The following NLGN1 variants were observed in gnomAD, a reference collection of about 807,000 sequenced individuals.
The protein encoded by NLGN1 is neuroligin-1.
NLGN1 carries 12 observed loss-of-function variants against 65.5 expected under a neutral mutation model. That is an observed-to-expected ratio of 0.18 (90% confidence interval 0.12 to 0.30). NLGN1 has a LOEUF of 0.30. NLGN1 is among the 10% of genes least tolerant of loss of function. The probability of loss-of-function intolerance (pLI) is 1.00; values close to 1 mark genes in which losing one functional copy is unlikely to be tolerated. For synonymous variants in NLGN1, 350 were observed against 359.5 expected (o/e 0.97, Z 0.30); for missense variants, 750 against 1,007.1 (o/e 0.74, Z 3.46).
intron 4 of NLGN1, among the ~76,000 whole-genome samples, chr3:174,228,162 GATTCATGA>G (rs951300536): frequency 5.9e-5 from 9 of 151,838 alleles, no homozygotes; most frequent in African/African-American, 2.2e-4. Context: ...TAAGATAATT[GATTCATGA>G]AATTAAGATT....
chr3:174,243,886 A>T (rs930066618), intron 4 of NLGN1, among the ~76,000 whole-genome samples: 3 of 152,202 alleles, frequency 2.0e-5, no homozygotes, highest in Non-Finnish European at 2.9e-5. Flanking sequence ...GAAGTCAAAG[A>T]GCTCACCCCA....
chr3:174,151,988 A>G (rs1339213330), intron 4 of NLGN1, among the ~76,000 whole-genome samples: 1 of 152,186 alleles, frequency 6.6e-6, no homozygotes, highest in Non-Finnish European at 1.5e-5. Context: ...AATAACTGTT[A>G]GAGAAAGAAT....
intron 2 of NLGN1, among the ~76,000 whole-genome samples, chr3:173,466,354 AAAAAAT>A (rs1246814611): frequency 6.6e-6 from 1 of 152,152 alleles, no homozygotes; most frequent in Admixed American, 6.6e-5. Context: ...GCTTACTGGG[AAAAAAT>A]AAAAATAAAA....
At chr3:173,987,344 A>C (rs2152405065) in intron 4 of NLGN1, among the ~76,000 whole-genome samples, 1 of 152,346 alleles carries the variant, frequency 6.6e-6, no homozygotes, top group African/African-American at 2.4e-5. Flanking sequence ...TATTGACTCA[A>C]GAAATCAAGA....
chr3:174,227,703 C>T (rs552314162), intron 4 of NLGN1, among the ~76,000 whole-genome samples: 1 of 152,062 alleles, frequency 6.6e-6, no homozygotes, highest in African/African-American at 2.4e-5. Context: ...TCATAAATGT[C>T]TGGTGGCAAA....
intron 4 of NLGN1, among the ~76,000 whole-genome samples, chr3:173,992,898 T>TA (rs1721421369): frequency 6.6e-6 from 1 of 152,210 alleles, no homozygotes. Flanking sequence ...ACAACAATCT[T>TA]AGTCTACTTT....
chr3:174,272,657 GGATGGATGGATAGATAGATA>G (rs1238667305), intron 4 of NLGN1, among the ~76,000 whole-genome samples: 2,388 of 120,006 alleles, frequency 0.02, 36 homozygotes, highest in Non-Finnish European at 0.032. Context: ...ATGGATGGAT[GGATGGATGGATAGATAGATA>G]GATAGATAGA....
At chr3:173,432,607 C>G (rs1253654672) in intron 1 of NLGN1, among the ~76,000 whole-genome samples, 1 of 151,896 alleles carries the variant, frequency 6.6e-6, no homozygotes, top group African/African-American at 2.4e-5. Flanking sequence ...TTAAGAGTTC[C>G]TTGTATATTT....
At chr3:173,453,404 C>T (rs1476371885) in intron 2 of NLGN1, among the ~76,000 whole-genome samples, 1 of 151,072 alleles carries the variant, frequency 6.6e-6, no homozygotes, top group African/African-American at 2.4e-5. Flanking sequence ...TTAAATAAAG[C>T]AACAATGAAG....
intron 3 of NLGN1, among the ~76,000 whole-genome samples, chr3:173,687,165 A>G (rs1359331662): frequency 6.6e-6 from 1 of 152,130 alleles, no homozygotes; most frequent in African/African-American, 2.4e-5. Context: ...TCTGGACTTA[A>G]CCCTATGTTT....
At chr3:173,707,310 G>C (rs930864305) in intron 3 of NLGN1, among the ~76,000 whole-genome samples, 1 of 152,136 alleles carries the variant, frequency 6.6e-6, no homozygotes, top group Non-Finnish European at 1.5e-5. Flanking sequence ...TGCAGTCAGA[G>C]AATTTGCCAC....
At chr3:173,913,993 TA>T (rs1412466741) in intron 4 of NLGN1, among the ~76,000 whole-genome samples, 3 of 152,210 alleles carry the variant, frequency 2.0e-5, no homozygotes, top group African/African-American at 7.2e-5. Flanking sequence ...AAATGACATC[TA>T]AACTCCAGTC....
chr3:173,667,239 G>GCACACACACACACACACACACACACA (rs3032837), intron 3 of NLGN1, among the ~76,000 whole-genome samples: 1 of 147,328 alleles, frequency 6.8e-6, no homozygotes, highest in African/African-American at 2.5e-5. Flanking sequence ...ACACGCATAT[G>GCACACACACACACACACACACACACA]CACACACACA....
intron 3 of NLGN1, among the ~76,000 whole-genome samples, chr3:173,637,920 C>T (rs1294405641): frequency 6.6e-6 from 1 of 152,126 alleles, no homozygotes; most frequent in African/African-American, 2.4e-5. Flanking sequence ...CCAGAGACGG[C>T]GTTTCATTCC....
intron 3 of NLGN1, among the ~76,000 whole-genome samples, chr3:173,734,040 G>A (rs928054105): frequency 6.6e-6 from 1 of 151,994 alleles, no homozygotes; most frequent in Non-Finnish European, 1.5e-5. Context: ...AGCACATCAA[G>A]TAGACTTTGC....
chr3:173,861,979 G>A (rs1729196773), intron 4 of NLGN1, among the ~76,000 whole-genome samples: 1 of 151,668 alleles, frequency 6.6e-6, no homozygotes, highest in Admixed American at 6.6e-5. Flanking sequence ...ATGTTGGCCA[G>A]GCTGGTCTTG....
At position 174,216,995 on chromosome 3, in the gene NLGN1, A is replaced by C. The variant is rs1737730424; in HGVS notation, c.647-58320A>C. ...AGGGCTGCTGCAACAAAGTACCACA[A>C]ACTTTGCTGCTTAAAACAATGCAAT... On this transcript the variant is annotated intron_variant, in intron 4 of 6. Transcript: ENST00000457714. Among the ~76,000 whole-genome samples, 3 of 152,148 alleles carry C rather than the reference A, an allele frequency of 2.0e-5. No homozygotes were observed. In the South Asian group the frequency reaches 6.2e-4, roughly 31 times the overall value.
intron 3 of NLGN1, among the ~76,000 whole-genome samples, chr3:173,618,975 G>A (rs928247397): frequency 8.5e-5 from 13 of 152,110 alleles, no homozygotes; most frequent in African/African-American, 3.1e-4. Context: ...GCTGATCCCT[G>A]AGCTCAGAAT....
At chr3:173,405,022 T>G (rs1368901263) in intron 1 of NLGN1, among the ~76,000 whole-genome samples, 1 of 152,110 alleles carries the variant, frequency 6.6e-6, no homozygotes, top group East Asian at 1.9e-4. Flanking sequence ...TTTACATGAA[T>G]AAAACATATA....
Sources: gnomAD v4.1 joint callset for allele counts (sites outside exome capture counted in the v4.1 genomes callset) on GRCh38, gnomAD v4.1.1 for gene constraint, MANE v1.5 for transcripts, NCBI Gene and HGNC (gene_info 2026-07-23, HGNC 2026-07-21) for gene names.